Variants in PDGFRL observed in about 807,000 individuals in gnomAD.
PDGFRL encodes the protein platelet-derived growth factor receptor-like protein.
A neutral mutation model predicts 37.2 loss-of-function variants in PDGFRL; 46 were observed. The observed-to-expected ratio is 1.24, with a 90% confidence interval of 0.98 to 1.58. PDGFRL has a LOEUF of 1.58. Ranked by LOEUF, PDGFRL falls within the 40% of genes most tolerant of loss-of-function variation. The pLI is 0.00. For missense variants in PDGFRL, 692 were observed against 467.6 expected (o/e 1.48, Z -4.43); for synonymous variants, 251 against 184.3 (o/e 1.36, Z -2.93).
intron 2 of PDGFRL, among the ~76,000 whole-genome samples, chr8:17,607,019 C>A (rs1408698345): frequency 1.3e-5 from 2 of 151,424 alleles, no homozygotes; most frequent in African/African-American, 4.9e-5. Flanking sequence ...CCTCAGGCTC[C>A]TGAGTAGCTG....
At chr8:17,634,567 C>T (rs191904540) in intron 5 of PDGFRL, among the ~76,000 whole-genome samples, 2 of 152,028 alleles carry the variant, frequency 1.3e-5, no homozygotes, top group East Asian at 1.9e-4. Context: ...TGGAATCAAC[C>T]TAAATGCCCT....
rs1805181735 is a variant in PDGFRL at position 17,642,954 on chromosome 8, A to AAAAGG, written c.*156_*160dup. The AAAAGG allele has an allele frequency of 6.8e-6, 4 of 585,742 alleles. No homozygotes were observed. In the South Asian group the frequency reaches 8.9e-5, roughly 13 times the overall value. 36.3% of individuals were successfully genotyped at this position (585,742 alleles called of 1,614,324 possible). A position where few individuals can be genotyped will look rare whatever the true frequency, so the allele number is the denominator to read the frequency against. ...TGAGTCCGACCCAGACATCCAAACT[A>AAAAGG]AAAGGAAGTCATCCAGTCTATTCAC... On this transcript the variant is annotated 3_prime_UTR_variant, in exon 6 of 6. Transcript: ENST00000251630.
intron 5 of PDGFRL, among the ~76,000 whole-genome samples, chr8:17,640,212 G>A (rs1805062580): frequency 6.6e-6 from 1 of 151,956 alleles, no homozygotes; most frequent in African/African-American, 2.4e-5. Flanking sequence ...AATTAAGTTG[G>A]AGTTCACCTT....
At chr8:17,616,565 C>A (rs1018231062) in intron 2 of PDGFRL, among the ~76,000 whole-genome samples, 6 of 152,184 alleles carry the variant, frequency 3.9e-5, no homozygotes, top group African/African-American at 1.4e-4. Flanking sequence ...TCGCTTTGTT[C>A]TGCACAAACT....
chr8:17,634,940 C>G (rs940720414), intron 5 of PDGFRL, among the ~76,000 whole-genome samples: 6 of 151,734 alleles, frequency 4.0e-5, no homozygotes, highest in Admixed American at 2.0e-4. Context: ...ATATAACAGA[C>G]TTGCACATAT....
chr8:17,621,469 A>G (rs1804633221), intron 3 of PDGFRL, among the ~76,000 whole-genome samples: 1 of 151,944 alleles, frequency 6.6e-6, no homozygotes, highest in Non-Finnish European at 1.5e-5. Flanking sequence ...TTAAGGTCAC[A>G]CAGAAAGTAA....
At chr8:17,639,912 A>G (rs1474956052) in intron 5 of PDGFRL, among the ~76,000 whole-genome samples, 1 of 152,164 alleles carries the variant, frequency 6.6e-6, no homozygotes, top group Admixed American at 6.5e-5. Flanking sequence ...AGGAACACCA[A>G]TTATTCTTAG....
intron 3 of PDGFRL, among the ~76,000 whole-genome samples, chr8:17,623,067 A>G (rs1804664202): frequency 1.3e-5 from 2 of 152,154 alleles, no homozygotes; most frequent in South Asian, 4.1e-4. Flanking sequence ...TTCATTCCAC[A>G]ACATCCCTGG....
At chr8:17,621,004 C>G (rs2129765021) in intron 2 of PDGFRL, 47 bp from the exon 3 acceptor site, 1 of 1,503,330 alleles carries the variant, frequency 6.7e-7, no homozygotes, top group East Asian at 2.4e-5. Context: ...CTGGAGGGCC[C>G]CAGCCAGGTC....
intron 4 of PDGFRL, among the ~76,000 whole-genome samples, chr8:17,629,085 CTTTT>C (rs397892660): frequency 9.0e-5 from 11 of 122,884 alleles, no homozygotes; most frequent in Admixed American, 1.7e-4. Context: ...GCCCTGCTAA[CTTTT>C]TTTTTTTTTT....
chr8:17,589,710 A>G lies in PDGFRL; in HGVS notation c.298A>G (p.Arg100Gly), dbSNP rs779667054. The change falls in exon 2 of 6, where the codon AGA becomes GGA. Residue 100 changes from arginine to glycine, a missense_variant. Coordinates refer to ENST00000251630, the MANE Select transcript of PDGFRL (RefSeq NM_001372073.1). ...TGTAGAGCTTCGATGTAAAGGGAGT[A>G]GAATTGGGTGGAGCTACCCTGCGTA... ...QTVELRCKGS[R>G]IGWSYPAYLD... 6.2e-6 allele frequency: 10 copies of G among 1,613,528 alleles called. No homozygotes were observed. In the South Asian group the frequency reaches 9.9e-5, roughly 16 times the overall value.
rs770779669 is a variant in PDGFRL at position 17,590,236 on chromosome 8, C to CAAAAAAAAAAAAAAAAAA, written c.353+474_353+491dup. ...GGTGACAGAGAGCGAGACTCCATCTCAAAAAAAAAAAAAAAAAAAATTGCA... is the reference window on the plus strand; with the variant it reads ...GGTGACAGAGAGCGAGACTCCATCTCAAAAAAAAAAAAAAAAAAAAAAAAAAAAAAAAAAAAAATTGCA... On this transcript the variant is annotated intron_variant, in intron 2 of 5. Transcript: ENST00000251630. 2.3e-3 allele frequency among the ~76,000 whole-genome samples: 81 copies of CAAAAAAAAAAAAAAAAAA among 35,602 alleles called. 6 individuals carry two copies. The highest frequency in any genetic ancestry group is 5.0e-3 in the South Asian group (3 of 606). 23.4% of individuals were successfully genotyped at this position (35,602 alleles called of 152,430 possible). A position where few individuals can be genotyped will look rare whatever the true frequency, so the allele number is the denominator to read the frequency against.
At chr8:17,599,815 C>G (rs1396977223) in intron 2 of PDGFRL, among the ~76,000 whole-genome samples, 1 of 152,162 alleles carries the variant, frequency 6.6e-6, no homozygotes, top group Non-Finnish European at 1.5e-5. Context: ...TGTCCTCCTT[C>G]CCTGATCTAC....
chr8:17,635,290 C>A (rs899093430), intron 5 of PDGFRL, among the ~76,000 whole-genome samples: 4 of 152,090 alleles, frequency 2.6e-5, no homozygotes, highest in African/African-American at 4.8e-5. Flanking sequence ...CACCCCTCCC[C>A]CCAACCCTTT....
At chr8:17,605,371 A>T (rs948306904) in intron 2 of PDGFRL, among the ~76,000 whole-genome samples, 1 of 151,908 alleles carries the variant, frequency 6.6e-6, no homozygotes, top group African/African-American at 2.4e-5. Context: ...AATTTTTTAA[A>T]TTTTTTCTTG....
At chr8:17,602,616 C>T (rs1393675318) in intron 2 of PDGFRL, among the ~76,000 whole-genome samples, 4 of 152,058 alleles carry the variant, frequency 2.6e-5, no homozygotes, top group African/African-American at 7.2e-5. Context: ...GGTTGAAATT[C>T]CACATTGATT....
intron 2 of PDGFRL, among the ~76,000 whole-genome samples, chr8:17,615,205 CG>C (rs1004617684): frequency 3.3e-5 from 5 of 151,982 alleles, no homozygotes; most frequent in African/African-American, 1.2e-4. Flanking sequence ...AATTAATTAC[CG>C]GATGGTTTAG....
intron 2 of PDGFRL, among the ~76,000 whole-genome samples, chr8:17,606,468 C>T (rs1804279546): frequency 6.6e-6 from 1 of 152,192 alleles, no homozygotes; most frequent in Non-Finnish European, 1.5e-5. Flanking sequence ...CACCCCCAAA[C>T]TCTAATACTT....
chr8:17,634,195 G>C lies in PDGFRL; in HGVS notation c.921G>C (p.Trp307Cys). Reference sequence around the variant, plus strand: ...CCGATGTGGAGGTGGAGTTCACCTGGATCTTCCCAGGGCAGAAGGTAAGTG... The same window carrying C: ...CCGATGTGGAGGTGGAGTTCACCTGCATCTTCCCAGGGCAGAAGGTAAGTG... ...GEPDVEVEFT[W>C]IFPGQKDERP... The change falls in exon 5 of 6, where the codon TGG becomes TGC. Residue 307 changes from tryptophan (W) to cysteine (C), a missense_variant. Physicochemically the swap from Trp to Cys is radical, Grantham distance 215. Coordinates refer to ENST00000251630, the MANE Select transcript of PDGFRL (RefSeq NM_001372073.1). 6.2e-7 allele frequency: 1 copy of C among 1,613,146 alleles called. No homozygotes were observed. The highest frequency in any genetic ancestry group is 8.5e-7 in the Non-Finnish European group (1 of 1,179,272).
Sources: allele counts gnomAD v4.1 joint callset (sites outside exome capture counted in the v4.1 genomes callset), GRCh38; gene constraint gnomAD v4.1.1; transcripts MANE v1.5; gene names NCBI Gene and HGNC (gene_info 2026-07-23, HGNC 2026-07-21).